GGA2: variants seen among roughly 807,000 people sequenced by gnomAD.
GGA2 encodes the protein golgi associated, gamma adaptin ear containing, ARF binding protein 2, also known as ADP-ribosylation factor-binding protein GGA2.
A neutral mutation model predicts 79.5 loss-of-function variants in GGA2; 48 were observed. That is an observed-to-expected ratio of 0.60 (90% CI 0.48 to 0.77). The LOEUF (loss-of-function observed/expected upper bound fraction) is 0.77. Among genes scored for constraint, GGA2 ranks in the 30% least tolerant of loss-of-function variants. The pLI is 0.00. For missense variants in GGA2, 770 were observed against 774.0 expected (o/e 0.99, Z 0.06); for synonymous variants, 317 against 302.0 (o/e 1.05, Z -0.51).
chr16:23,476,977 G>C (rs1233003946), intron 13 of GGA2, among the ~76,000 whole-genome samples: 1 of 152,032 alleles, frequency 6.6e-6, no homozygotes, highest in Non-Finnish European at 1.5e-5. Context: ...TTTGAGACAG[G>C]GTCTCACTCT....
intron 8 of GGA2, among the ~76,000 whole-genome samples, 173 bp downstream of exon 8, chr16:23,485,842 T>C (rs765709055): frequency 2.0e-5 from 3 of 152,152 alleles, no homozygotes; most frequent in Non-Finnish European, 4.4e-5. Context: ...GCCTGGGGAC[T>C]GGGGAGCAAG....
intron 4 of GGA2, among the ~76,000 whole-genome samples, chr16:23,492,522 CAG>C: frequency 1.3e-5 from 2 of 152,300 alleles, no homozygotes; most frequent in Middle Eastern, 6.8e-3. Context: ...CAAGGAAGCT[CAG>C]AGAGCCTCTC....
rs1468411488 is a variant in GGA2, at chr16:23,503,604, T to C, written c.91+6717A>G. Among the ~76,000 whole-genome samples, 64 of 152,236 alleles carry C rather than the reference T, an allele frequency of 4.2e-4. 1 individual carries two copies. Among genetic ancestry groups the C allele is most frequent in the Admixed American group, 4.2e-3 (64 of 15,284 alleles). The stretch of plus-strand genomic sequence containing the variant: ...GATGAGTTTATTATCTATTATCCCA[T>C]CATTGTTAAATTTTTAAATTTCCAT... On this transcript the variant is annotated intron_variant, in intron 1 of 16. Transcript: ENST00000309859.
chr16:23,517,683 A>G (rs997060992), intron 2 of GGA2, among the ~76,000 whole-genome samples: 2 of 152,140 alleles, frequency 1.3e-5, no homozygotes, highest in Non-Finnish European at 2.9e-5. Context: ...CTCTCCTTGG[A>G]ATAGCCTTCC....
intron 1 of GGA2, among the ~76,000 whole-genome samples, chr16:23,510,029 G>C (rs1391447734): frequency 9.4e-5 from 14 of 148,594 alleles, no homozygotes; most frequent in African/African-American, 3.5e-4. Context: ...AGGGGAAAGC[G>C]CAGGTCACGT....
intron 14 of GGA2, 29 bp downstream of exon 14, chr16:23,474,875 A>AG: frequency 6.5e-7 from 1 of 1,549,048 alleles, no homozygotes; most frequent in Non-Finnish European, 8.9e-7. Flanking sequence ...GGAAAAAAAA[A>AG]AAAAGGTGGG....
rs1964428849 is a variant in GGA2 at position 23,465,770 on chromosome 16, G to A, written c.*1820C>T. ...AGCCTGGCCAACATGGTGAAATCCTGTCTCTACTAAAAATACAAAAATTAG... is the reference window on the plus strand; with the variant it reads ...AGCCTGGCCAACATGGTGAAATCCTATCTCTACTAAAAATACAAAAATTAG... On this transcript the variant is annotated 3_prime_UTR_variant, in exon 17 of 17. Coordinates refer to ENST00000309859, the MANE Select transcript of GGA2 (RefSeq NM_015044.4). 5.0e-6 allele frequency: 1 copy of A among 199,974 alleles called. No individual in the cohort carries two copies. Among genetic ancestry groups the A allele is most frequent in the Non-Finnish European group, 1.0e-5 (1 of 96,958 alleles). The allele number at this position is 199,974 out of a possible 1,614,324, so 12.4% of individuals were successfully genotyped here. A position where few individuals can be genotyped will look rare whatever the true frequency, so the allele number is the denominator to read the frequency against.
At chr16:23,510,031 A>C (rs1455215576) in intron 1 of GGA2, among the ~76,000 whole-genome samples, 3 of 134,448 alleles carry the variant, frequency 2.2e-5, no homozygotes, top group Non-Finnish European at 4.7e-5. Flanking sequence ...GGGAAAGCGC[A>C]GGTCACGTAG....
At chr16:23,521,669 G>A (rs1060170) in intron 1 of GGA2, 47,732 of 452,172 alleles carry the variant, frequency 0.11, 3,183 homozygotes, top group Middle Eastern at 0.19. Context: ...CAAAGCATTA[G>A]GACGTATTTG....
chr16:23,499,146 T>A (rs1261735996), intron 1 of GGA2, among the ~76,000 whole-genome samples: 1 of 8,794 alleles, frequency 1.1e-4, no homozygotes, highest in African/African-American at 2.5e-4. Flanking sequence ...GGGCACCACC[T>A]TTTTTTTTTT....
At chr16:23,513,783 C>CAAA (rs754377361), upstream of GGA2, among the ~76,000 whole-genome samples, 1 of 47,150 alleles carries the variant, frequency 2.1e-5, no homozygotes, top group Non-Finnish European at 5.3e-5. Context: ...GACTCTGTCT[C>CAAA]AAAAAAAAAA....
chr16:23,499,719 C>T (rs908337126), intron 1 of GGA2, among the ~76,000 whole-genome samples: 12 of 152,220 alleles, frequency 7.9e-5, no homozygotes, highest in Admixed American at 6.5e-4. Flanking sequence ...GCCTCGGCCC[C>T]CCAAAGTGTT....
upstream of GGA2, among the ~76,000 whole-genome samples, chr16:23,512,770 T>C (rs1372098211): frequency 7.5e-6 from 1 of 133,630 alleles, no homozygotes; most frequent in Non-Finnish European, 1.6e-5. Flanking sequence ...AATGGTGCAA[T>C]CTCAGTTCAC....
chr16:23,465,983 CTT>C lies in GGA2; in HGVS notation c.*1605_*1606del, dbSNP rs1964432394. 1 of 152,240 alleles carries C rather than the reference CTT, an allele frequency of 6.6e-6. No homozygotes were observed. Among genetic ancestry groups the C allele is most frequent in the African/African-American group, 2.4e-5 (1 of 41,418 alleles). The allele number at this position is 152,240 out of a possible 1,614,324, so 9.4% of individuals were successfully genotyped here. The stretch of plus-strand genomic sequence containing the variant: ...CACACAGAATACAAGCAAGAAAGTA[CTT>C]TTAGATTAAAATTCGTCTTATGTGA... On this transcript the variant is annotated 3_prime_UTR_variant, in exon 17 of 17. Transcript: ENST00000309859.
chr16:23,479,115 C>T (rs1596980378), intron 11 of GGA2: 1 of 600,632 alleles, frequency 1.7e-6, no homozygotes, highest in Middle Eastern at 2.6e-4. Flanking sequence ...ACCTGATTCC[C>T]TTGGCAGCAG....
chr16:23,465,152 C>G lies in GGA2; in HGVS notation c.*2438G>C, dbSNP rs187972466. 5.6e-4 allele frequency: 336 copies of G among 595,438 alleles called. 6 individuals carry two copies. The Admixed American group carries it at 9.8e-3, about 17-fold the overall frequency. The allele number at this position is 595,438 out of a possible 1,614,324, so 36.9% of individuals were successfully genotyped here. A position where few individuals can be genotyped will look rare whatever the true frequency, so the allele number is the denominator to read the frequency against. ...CTGGCTCAGGGTAGCTGGTCAACAA[C>G]TAGCTTTTAAAAAAACAGAGACACG... On this transcript the variant is annotated 3_prime_UTR_variant, in exon 17 of 17. Transcript: ENST00000309859.
chr16:23,492,390 A>C (rs1964800111), intron 4 of GGA2, among the ~76,000 whole-genome samples: 1 of 152,210 alleles, frequency 6.6e-6, no homozygotes, highest in South Asian at 2.1e-4. Flanking sequence ...ATTGAGTTCA[A>C]CTATGTGGCC....
intron 15 of GGA2, among the ~76,000 whole-genome samples, chr16:23,469,737 T>G (rs1042345709): frequency 1.3e-5 from 2 of 152,188 alleles, no homozygotes; most frequent in African/African-American, 4.8e-5. Context: ...GTGGAGAAAC[T>G]GTCAGAATGG....
chr16:23,480,918 C>T, intron 9 of GGA2, 148 bp from the exon 10 acceptor site: 1 of 708,534 alleles, frequency 1.4e-6, no homozygotes, highest in South Asian at 1.8e-5. Flanking sequence ...TCATCGGACC[C>T]TATCAGGCCT....
Sources: gnomAD v4.1 joint callset for allele counts (sites outside exome capture counted in the v4.1 genomes callset) on GRCh38, gnomAD v4.1.1 for gene constraint, MANE v1.5 for transcripts, NCBI Gene and HGNC (gene_info 2026-07-23, HGNC 2026-07-21) for gene names.